SNTG2: variants seen among roughly 807,000 people sequenced by gnomAD.
The protein encoded by SNTG2 is syntrophin gamma 2.
SNTG2 carries 74 observed loss-of-function variants against 70.9 expected under a neutral mutation model. The ratio of observed to expected loss-of-function variants is 1.04; its 90% CI spans 0.86 to 1.27. The LOEUF (loss-of-function observed/expected upper bound fraction) is 1.27. SNTG2 is among the 50% of genes most tolerant of loss of function. The pLI is 0.00. For missense variants in SNTG2, 717 were observed against 690.7 expected, an observed-to-expected ratio of 1.04 and a Z score of -0.43; for synonymous variants, 278 against 273.8, an observed-to-expected ratio of 1.02 and a Z score of -0.15.
At chr2:1,222,536 T>G (rs587593588) in intron 9 of SNTG2, among the ~76,000 whole-genome samples, 2,474 of 107,184 alleles carry the variant, frequency 0.023, 40 homozygotes, top group African/African-American at 0.036. Context: ...CTGCTGGAGG[T>G]GCTGGATCGC....
intron 12 of SNTG2, among the ~76,000 whole-genome samples, chr2:1,255,871 T>A (rs368391762): frequency 8.1e-5 from 5 of 62,066 alleles, no homozygotes; most frequent in East Asian, 4.8e-4. Flanking sequence ...TAAATATATA[T>A]AAATATATAT....
In SNTG2 at chr2:1,222,606, T is replaced by G. The variant is rs781993133; in HGVS notation, c.719+13376T>G. Among the ~76,000 whole-genome samples the G allele has an allele frequency of 8.5e-3, 28 of 3,298 alleles. 1 individual carries two copies. Among genetic ancestry groups the G allele is most frequent in the African/African-American group, 0.031 (21 of 676 alleles). The allele number at this position is 3,298 out of a possible 152,430, so 2.2% of individuals were successfully genotyped here. ...TCCCTGTCCTGCCTGCTGCTGGAGG[T>G]GCTGGATCGCTGTAGAGGAAAGCGG... On this transcript the variant is annotated intron_variant, in intron 9 of 16. Coordinates refer to ENST00000308624, the MANE Select transcript of SNTG2 (RefSeq NM_018968.4).
chr2:1,140,152 G>T (rs1371957438), intron 6 of SNTG2, among the ~76,000 whole-genome samples: 1 of 152,130 alleles, frequency 6.6e-6, no homozygotes, highest in Non-Finnish European at 1.5e-5. Flanking sequence ...TGAATGCAAA[G>T]AATCCTTTGT....
At chr2:1,115,945 C>T (rs935315644) in intron 4 of SNTG2, among the ~76,000 whole-genome samples, 17 of 152,252 alleles carry the variant, frequency 1.1e-4, no homozygotes, top group Non-Finnish European at 7.3e-5. Flanking sequence ...TGGCCCAGGG[C>T]CTGCCCTCCA....
At chr2:960,535 G>A (rs1244190224) in intron 1 of SNTG2, among the ~76,000 whole-genome samples, 3 of 152,186 alleles carry the variant, frequency 2.0e-5, no homozygotes, top group Admixed American at 6.5e-5. Flanking sequence ...CTGGGAGCAC[G>A]GTGAGCTCTG....
Position 1,342,056 on chromosome 2 carries a change from A to G in SNTG2, c.1489-25287A>G, listed in dbSNP as rs555359759. On this transcript the variant is annotated intron_variant, in intron 16 of 16. Transcript: ENST00000308624. ...AACAACATGCTGTAGCCTGGGACTT[A>G]GGTAATTCAGACTCTGGAAAAGATA... Among the ~76,000 whole-genome samples, 7 of 152,266 alleles carry G rather than the reference A, an allele frequency of 4.6e-5. No individual in the cohort carries two copies. The South Asian group carries it at 1.5e-3, about 32-fold the overall frequency.
intron 4 of SNTG2, among the ~76,000 whole-genome samples, chr2:1,121,483 C>G (rs528943098): frequency 6.6e-6 from 1 of 152,088 alleles, no homozygotes; most frequent in South Asian, 2.1e-4. Flanking sequence ...ATAAAATTGG[C>G]AAACTCTTCA....
At chr2:1,250,209 G>C (rs1325057190) in intron 12 of SNTG2, among the ~76,000 whole-genome samples, 1 of 152,162 alleles carries the variant, frequency 6.6e-6, no homozygotes, top group Non-Finnish European at 1.5e-5. Context: ...TCCGTGCTCT[G>C]TCTCCGCCAC....
chr2:1,085,017 G>A lies in SNTG2; in HGVS notation c.210+1362G>A, dbSNP rs565729583. 1.8e-4 allele frequency among the ~76,000 whole-genome samples: 27 copies of A among 152,264 alleles called. No homozygotes were observed. The South Asian group carries it at 3.9e-3, about 22-fold the overall frequency. The stretch of plus-strand genomic sequence containing the variant: ...CAGACATCCCAACCACGGCCTCTGC[G>A]TTCAAGAGGCCACTGTCGGTCTTCA... On this transcript the variant is annotated intron_variant, in intron 2 of 16. Transcript: ENST00000308624.
At chr2:1,131,663 T>A (rs979330608) in intron 4 of SNTG2, among the ~76,000 whole-genome samples, 2 of 151,898 alleles carry the variant, frequency 1.3e-5, no homozygotes, top group Non-Finnish European at 2.9e-5. Flanking sequence ...TTTTCTTTTT[T>A]TTTTGTGAGA....
At chr2:1,019,623 T>C (rs1660046852) in intron 1 of SNTG2, among the ~76,000 whole-genome samples, 1 of 152,216 alleles carries the variant, frequency 6.6e-6, no homozygotes, top group African/African-American at 2.4e-5. Context: ...CAGCAGGCTG[T>C]TGAAACTCTA....
At chr2:1,027,925 C>T (rs1275041205) in intron 1 of SNTG2, among the ~76,000 whole-genome samples, 1 of 145,654 alleles carries the variant, frequency 6.9e-6, no homozygotes, top group African/African-American at 2.6e-5. Context: ...GACCCACAGA[C>T]ACTACCCAGC....
At chr2:1,363,647 C>A (rs1573036899) in intron 16 of SNTG2, among the ~76,000 whole-genome samples, 1 of 152,342 alleles carries the variant, frequency 6.6e-6, no homozygotes, top group Admixed American at 6.5e-5. Flanking sequence ...GAACTCAACA[C>A]AAGTATTTTG....
chr2:1,144,116 C>G (rs114677747), intron 6 of SNTG2, among the ~76,000 whole-genome samples: 3,380 of 152,198 alleles, frequency 0.022, 134 homozygotes, highest in African/African-American at 0.078. Context: ...GACATCTCCT[C>G]TTTACCTCCT....
chr2:1,362,591 T>A (rs1239679506), intron 16 of SNTG2, among the ~76,000 whole-genome samples: 1 of 150,988 alleles, frequency 6.6e-6, no homozygotes. Flanking sequence ...CACTGAGCAT[T>A]TCAGTAGAGC....
intron 2 of SNTG2, among the ~76,000 whole-genome samples, chr2:1,093,676 A>ACC: frequency 6.6e-6 from 1 of 152,228 alleles, no homozygotes; most frequent in Non-Finnish European, 1.5e-5. Context: ...TAAAATAACG[A>ACC]TTTTTCATGG....
chr2:1,287,762 G>A (rs1345539151), intron 14 of SNTG2, among the ~76,000 whole-genome samples: 1 of 152,218 alleles, frequency 6.6e-6, no homozygotes, highest in African/African-American at 2.4e-5. Context: ...TCTGGCCACC[G>A]CTGAAGAGTC....
chr2:1,138,642 G>T (rs1668555790), intron 6 of SNTG2, among the ~76,000 whole-genome samples: 1 of 152,196 alleles, frequency 6.6e-6, no homozygotes, highest in Non-Finnish European at 1.5e-5. Flanking sequence ...GGGAGAGGCA[G>T]TGGAGCCGAG....
chr2:1,116,141 G>A (rs190826160), intron 4 of SNTG2, among the ~76,000 whole-genome samples: 6 of 152,324 alleles, frequency 3.9e-5, no homozygotes, highest in East Asian at 1.9e-4. Context: ...TGGATGTGGC[G>A]TCTTCAGAGC....
Sources: allele counts gnomAD v4.1 joint callset (sites outside exome capture counted in the v4.1 genomes callset), GRCh38; gene constraint gnomAD v4.1.1; transcripts MANE v1.5; gene names NCBI Gene and HGNC (gene_info 2026-07-23, HGNC 2026-07-21).